Variants in TBC1D22B observed in about 807,000 individuals in gnomAD.
The protein encoded by TBC1D22B is chromosome 6 open reading frame 197.
Under a neutral mutation model 69.1 loss-of-function variants are expected in TBC1D22B, and 32 were observed. The observed-to-expected ratio is 0.46, with a 90% confidence interval of 0.35 to 0.62. The LOEUF is 0.62. Among genes scored for constraint, TBC1D22B ranks in the 20% least tolerant of loss-of-function variants. The pLI is 0.00. For missense variants in TBC1D22B, 462 were observed against 630.9 expected, an observed-to-expected ratio of 0.73 and a Z score of 2.87; for synonymous variants, 206 against 229.8, an observed-to-expected ratio of 0.90 and a Z score of 0.94.
At position 37,257,888 on chromosome 6, in the gene TBC1D22B, C is replaced by A; in HGVS notation, c.-30C>A. ...CATCTCGCCGGGCAAACCCTTGGCC[C>A]GCCTACAAGGACTTCCCCCGGCCAG... On this transcript the variant is annotated 5_prime_UTR_variant, in exon 1 of 13. Coordinates refer to ENST00000373491, the MANE Select transcript of TBC1D22B (RefSeq NM_017772.4). 6.2e-7 allele frequency: 1 copy of A among 1,610,694 alleles called. No individual in the cohort carries two copies. Among genetic ancestry groups the A allele is most frequent in the Non-Finnish European group, 8.5e-7 (1 of 1,178,664 alleles).
At chr6:37,275,966 CT>C (rs149995165) in intron 2 of TBC1D22B, among the ~76,000 whole-genome samples, 5,504 of 133,078 alleles carry the variant, frequency 0.041, 259 homozygotes, top group African/African-American at 0.12. Flanking sequence ...TTCTTTTTTT[CT>C]TTTTTTTTTT....
At chr6:37,299,968 C>A (rs1224539809) in intron 8 of TBC1D22B, among the ~76,000 whole-genome samples, 3 of 147,702 alleles carry the variant, frequency 2.0e-5, no homozygotes, top group Non-Finnish European at 4.4e-5. Flanking sequence ...GAGATCACGC[C>A]ACTGCACTCT....
chr6:37,325,748 C>T lies in TBC1D22B; in HGVS notation c.1390-5296C>T, dbSNP rs112312715. ...GTATTTTAGTAGAGATGGGGTTTCA[C>T]CATGTTAGCCAGGCTGGTCGCGAAC... is the stretch of plus-strand genomic sequence containing the variant. On this transcript the variant is annotated intron_variant, in intron 12 of 12. Transcript: ENST00000373491. 2.7e-4 allele frequency among the ~76,000 whole-genome samples: 41 copies of T among 152,118 alleles called. 1 individual carries two copies. Among genetic ancestry groups the T allele is most frequent in the Middle Eastern group, 6.8e-3 (2 of 294 alleles).
In TBC1D22B at chr6:37,313,743, C is replaced by A; in HGVS notation, c.1090-73C>A. 6 of 1,416,872 alleles carry A rather than the reference C, an allele frequency of 4.2e-6. No homozygotes were observed. In the South Asian group the frequency reaches 6.9e-5, roughly 16 times the overall value. 87.8% of individuals were successfully genotyped at this position (1,416,872 alleles called of 1,614,324 possible). On this transcript the variant is annotated intron_variant, in intron 9 of 12. Coordinates refer to ENST00000373491, the MANE Select transcript of TBC1D22B (RefSeq NM_017772.4). The stretch of plus-strand genomic sequence containing the variant: ...TTGGAAAATGGCCTGAACTTCTAAA[C>A]GTGTTTCAGTGAATGTCAGGTGATA...
At chr6:37,319,013 G>A (rs184970592) in intron 12 of TBC1D22B, among the ~76,000 whole-genome samples, 20 of 152,320 alleles carry the variant, frequency 1.3e-4, no homozygotes, top group Non-Finnish European at 1.8e-4. Context: ...CTGAAGAGTG[G>A]CAGCGTCTCC....
intron 12 of TBC1D22B, among the ~76,000 whole-genome samples, chr6:37,318,670 AC>A (rs1375933090): frequency 6.6e-6 from 1 of 152,126 alleles, no homozygotes; most frequent in Non-Finnish European, 1.5e-5. Context: ...AGAGGGGATG[AC>A]CAGCAAGAGT....
At chr6:37,271,219 A>G (rs999328151) in intron 2 of TBC1D22B, among the ~76,000 whole-genome samples, 6 of 152,166 alleles carry the variant, frequency 3.9e-5, no homozygotes, top group African/African-American at 1.4e-4. Context: ...AGGCTGAGGC[A>G]GGAGAATTGC....
At chr6:37,297,845 C>T (rs1470584519) in intron 8 of TBC1D22B, among the ~76,000 whole-genome samples, 2 of 152,182 alleles carry the variant, frequency 1.3e-5, no homozygotes, top group African/African-American at 2.4e-5. Flanking sequence ...CACATTTACA[C>T]CATGGAATAC....
chr6:37,312,106 G>A (rs1480375524), intron 8 of TBC1D22B, among the ~76,000 whole-genome samples: 1 of 152,170 alleles, frequency 6.6e-6, no homozygotes, highest in African/African-American at 2.4e-5. Context: ...TTCCAAAGAG[G>A]TCTCGTGGCT....
chr6:37,315,106 T>G (rs1768038468), intron 10 of TBC1D22B, among the ~76,000 whole-genome samples: 1 of 152,130 alleles, frequency 6.6e-6, no homozygotes, highest in Non-Finnish European at 1.5e-5. Flanking sequence ...ATCAATCAAG[T>G]TTCAACAGGC....
intron 10 of TBC1D22B, among the ~76,000 whole-genome samples, chr6:37,315,119 A>T (rs1768038787): frequency 6.6e-6 from 1 of 152,172 alleles, no homozygotes; most frequent in Admixed American, 6.5e-5. Flanking sequence ...CAACAGGCAG[A>T]TGCTGTGGTT....
chr6:37,278,351 T>C (rs970775227), intron 2 of TBC1D22B, among the ~76,000 whole-genome samples: 12 of 152,142 alleles, frequency 7.9e-5, no homozygotes, highest in Non-Finnish European at 1.5e-4. Context: ...GAACAACTTT[T>C]TTATTTTGGG....
intron 8 of TBC1D22B, among the ~76,000 whole-genome samples, chr6:37,300,204 A>G (rs1767522892): frequency 6.6e-6 from 1 of 151,914 alleles, no homozygotes; most frequent in Admixed American, 6.6e-5. Context: ...CCATCTTTTC[A>G]CCGATGTGAA....
intron 12 of TBC1D22B, among the ~76,000 whole-genome samples, chr6:37,327,195 A>G (rs1393886447): frequency 1.4e-5 from 2 of 139,952 alleles, no homozygotes; most frequent in African/African-American, 2.9e-5. Context: ...AAGTTGAGAT[A>G]GGGCCGGGCG....
At chr6:37,287,372 G>A in intron 7 of TBC1D22B, among the ~76,000 whole-genome samples, 1 of 152,302 alleles carries the variant, frequency 6.6e-6, no homozygotes, top group South Asian at 2.1e-4. Context: ...TGGAAGTAGT[G>A]ATTTTTTAAA....
intron 5 of TBC1D22B, among the ~76,000 whole-genome samples, chr6:37,283,383 A>G (rs556129274): frequency 6.6e-6 from 1 of 152,344 alleles, no homozygotes; most frequent in South Asian, 2.1e-4. Context: ...AGTACAGAGC[A>G]CTGTGCCAGC....
At chr6:37,315,624 T>C (rs1768054752) in intron 10 of TBC1D22B, among the ~76,000 whole-genome samples, 1 of 152,080 alleles carries the variant, frequency 6.6e-6, no homozygotes, top group South Asian at 2.1e-4. Flanking sequence ...TCGCCCAGGC[T>C]AGAGTGCACT....
At chr6:37,265,794 A>G (rs1032946095) in intron 1 of TBC1D22B, among the ~76,000 whole-genome samples, 5 of 152,246 alleles carry the variant, frequency 3.3e-5, no homozygotes, top group African/African-American at 1.2e-4. Context: ...GTATTCATAA[A>G]TTAAAGATTA....
chr6:37,258,870 G>A (rs916978979), intron 1 of TBC1D22B, among the ~76,000 whole-genome samples: 3 of 152,106 alleles, frequency 2.0e-5, no homozygotes, highest in African/African-American at 7.2e-5. Context: ...ACTTGGTGAT[G>A]AAATTCATGT....
Sources: gnomAD v4.1 joint callset for allele counts (sites outside exome capture counted in the v4.1 genomes callset) on GRCh38, gnomAD v4.1.1 for gene constraint, MANE v1.5 for transcripts, NCBI Gene and HGNC (gene_info 2026-07-23, HGNC 2026-07-21) for gene names.